Variants in DIAPH2 observed in about 807,000 individuals in gnomAD.
The protein encoded by DIAPH2 is protein diaphanous homolog 2.
A neutral mutation model predicts 92.7 loss-of-function variants in DIAPH2; 35 were observed. The ratio of observed to expected loss-of-function variants is 0.38; its 90% confidence interval spans 0.29 to 0.50. The LOEUF (loss-of-function observed/expected upper bound fraction) is 0.50, where lower values mean the gene tolerates loss of function less well. DIAPH2 is among the 20% of genes least tolerant of loss of function. DIAPH2 has a pLI of 0.94. For synonymous variants in DIAPH2, 301 were observed against 280.4 expected (o/e 1.07, Z -0.73); for missense variants, 701 against 819.5 (o/e 0.86, Z 1.77).
chrX:96,692,459 A>G (rs768798725), intron 1 of DIAPH2, among the ~76,000 whole-genome samples: 3 of 112,106 alleles, frequency 2.7e-5, no homozygotes, highest in Non-Finnish European at 3.8e-5. Context: ...CCTTAAACAA[A>G]TACAGCTTTA....
At chrX:96,794,329 G>A (rs1210226636) in intron 4 of DIAPH2, among the ~76,000 whole-genome samples, 5 of 111,043 alleles carry the variant, frequency 4.5e-5, no homozygotes, top group Non-Finnish European at 9.4e-5. Flanking sequence ...TATTCTTAGT[G>A]CCGAGTACAA....
intron 26 of DIAPH2, among the ~76,000 whole-genome samples, chrX:97,504,725 C>T (rs2070820926): frequency 8.9e-6 from 1 of 112,305 alleles, no homozygotes. Context: ...GTTTCTGTGT[C>T]AGAAGTGATG....
chrX:96,905,794 T>C (rs188906994), intron 5 of DIAPH2, among the ~76,000 whole-genome samples: 9 of 112,231 alleles, frequency 8.0e-5, no homozygotes, highest in Non-Finnish European at 1.5e-4. Flanking sequence ...CTAAATACAA[T>C]TAGAATTAAG....
rs2067209862 is a variant in DIAPH2 at position 97,141,746 on chromosome X, A to G, written c.2671A>G (p.Ile891Val). Residue 891 changes from isoleucine to valine, a missense_variant, in exon 22 of 27, where the codon ATC (isoleucine) becomes GTC (valine). Coordinates refer to ENST00000324765, the MANE Select transcript of DIAPH2 (RefSeq NM_006729.5). ...CATTTGTGAGGAAAAATATCGAGATATCCTAAAATTTCCTGAAGAACTGGA... is the reference window on the plus strand; with the variant it reads ...CATTTGTGAGGAAAAATATCGAGATGTCCTAAAATTTCCTGAAGAACTGGA... The part of the protein sequence containing the change: ...ADICEEKYRD[I>V]LKFPEELEHV... 1 of 1,204,186 alleles carries G rather than the reference A, an allele frequency of 8.3e-7. No individual in the cohort carries two copies. Among genetic ancestry groups the G allele is most frequent in the South Asian group, 1.8e-5 (1 of 55,002 alleles).
intron 23 of DIAPH2, among the ~76,000 whole-genome samples, chrX:97,338,089 G>A (rs1005036373): frequency 9.1e-6 from 1 of 109,791 alleles, no homozygotes; most frequent in Non-Finnish European, 1.9e-5. Flanking sequence ...TCAGGCTGGT[G>A]TCAAACTCCT....
At chrX:97,144,613 A>C in intron 22 of DIAPH2, among the ~76,000 whole-genome samples, 1 of 25,030 alleles carries the variant, frequency 4.0e-5, no homozygotes, top group East Asian at 1.7e-3. Context: ...ATATATGTGT[A>C]TATAGCGTGT....
At chrX:97,222,453 C>G (rs1329114827) in intron 22 of DIAPH2, among the ~76,000 whole-genome samples, 1 of 111,979 alleles carries the variant, frequency 8.9e-6, no homozygotes, top group African/African-American at 3.2e-5. Context: ...ATCCACCCTC[C>G]TTGGCCTCCC....
intron 24 of DIAPH2, among the ~76,000 whole-genome samples, chrX:97,354,064 C>T (rs756657343): frequency 9.0e-5 from 10 of 110,834 alleles, no homozygotes; most frequent in Non-Finnish European, 1.9e-5. Flanking sequence ...ATCCTCCTGC[C>T]TCAACCTCCC....
intron 22 of DIAPH2, among the ~76,000 whole-genome samples, chrX:97,194,598 C>A (rs1179657422): frequency 9.0e-6 from 1 of 111,501 alleles, no homozygotes; most frequent in Non-Finnish European, 1.9e-5. Context: ...GAAATATTTT[C>A]AAATTGTTGA....
At chrX:97,020,394 C>T (rs1437189805) in intron 17 of DIAPH2, among the ~76,000 whole-genome samples, 1 of 111,820 alleles carries the variant, frequency 8.9e-6, no homozygotes, top group African/African-American at 3.3e-5. Flanking sequence ...ATTAGCAATG[C>T]GGTAGCCCTG....
chrX:97,351,790 G>A (rs1240633236), intron 24 of DIAPH2, among the ~76,000 whole-genome samples: 5 of 110,694 alleles, frequency 4.5e-5, no homozygotes, highest in East Asian at 2.8e-4. Context: ...GCGACAGAGA[G>A]AGACTCCGTC....
chrX:97,469,757 T>C, intron 26 of DIAPH2: 1 of 1,204,033 alleles, frequency 8.3e-7, no homozygotes, highest in Non-Finnish European at 1.1e-6. Flanking sequence ...GCCTGAGTGC[T>C]GTTTTAAACA....
chrX:97,343,435 C>T (rs1219234952), intron 23 of DIAPH2, among the ~76,000 whole-genome samples: 1 of 111,427 alleles, frequency 9.0e-6, no homozygotes, highest in African/African-American at 3.3e-5. Context: ...TTGGGTGGCC[C>T]AGGCGGGTGG....
At chrX:97,339,080 T>C (rs1440474134) in intron 23 of DIAPH2, among the ~76,000 whole-genome samples, 1 of 112,074 alleles carries the variant, frequency 8.9e-6, no homozygotes, top group Non-Finnish European at 1.9e-5. Context: ...GTTAGTATAT[T>C]ACTAAGGAAT....
chrX:97,330,085 T>TGTG (rs2068986263), intron 23 of DIAPH2, among the ~76,000 whole-genome samples: 1 of 94,862 alleles, frequency 1.1e-5, no homozygotes, highest in Admixed American at 1.2e-4. Context: ...GATTTGGTGT[T>TGTG]TGTGTGTGTG....
Position 97,312,781 on chromosome X carries a change from A to T in DIAPH2, c.2845-35335A>T, listed in dbSNP as rs1287850282. Among the ~76,000 whole-genome samples, 8 of 111,792 alleles carry T rather than the reference A, an allele frequency of 7.2e-5. No homozygotes were observed. In the Admixed American group the frequency reaches 7.7e-4, roughly 11 times the overall value. On this transcript the variant is annotated intron_variant, in intron 23 of 26. Transcript: ENST00000324765. ...AATTCCCAAGGCTTTTGAGCTAAGC[A>T]CATGGTAAGAATAGAGTTGTCATTA...
chrX:97,471,413 G>A (rs768178065), intron 26 of DIAPH2, among the ~76,000 whole-genome samples: 1 of 111,587 alleles, frequency 9.0e-6, no homozygotes, highest in Non-Finnish European at 1.9e-5. Flanking sequence ...AGAATGGGCC[G>A]GGCATGGTGG....
intron 17 of DIAPH2, among the ~76,000 whole-genome samples, chrX:97,025,115 C>T (rs2066322917): frequency 8.9e-6 from 1 of 111,798 alleles, no homozygotes; most frequent in South Asian, 3.8e-4. Flanking sequence ...CTTTGGGAGG[C>T]CGAGGTGGGC....
At chrX:97,261,346 A>G (rs1226466061) in intron 23 of DIAPH2, among the ~76,000 whole-genome samples, 2 of 111,838 alleles carry the variant, frequency 1.8e-5, no homozygotes, top group African/African-American at 6.5e-5. Context: ...TTTTCTGCAC[A>G]TATTTTATAT....
Sources: gnomAD v4.1 joint callset for allele counts (sites outside exome capture counted in the v4.1 genomes callset) on GRCh38, gnomAD v4.1.1 for gene constraint, MANE v1.5 for transcripts, NCBI Gene and HGNC (gene_info 2026-07-23, HGNC 2026-07-21) for gene names.